Variants in KCNIP1 observed in about 807,000 individuals in gnomAD.
The protein encoded by KCNIP1 is A-type potassium channel modulatory protein KCNIP1.
A neutral mutation model predicts 33.0 loss-of-function variants in KCNIP1; 18 were observed. The ratio of observed to expected loss-of-function variants is 0.55; its 90% CI spans 0.38 to 0.81. The LOEUF (loss-of-function observed/expected upper bound fraction) is 0.81. Ranked by LOEUF, KCNIP1 falls within the 30% of genes least tolerant of loss-of-function variation. KCNIP1 has a pLI of 0.00. For missense variants in KCNIP1, 238 were observed against 271.6 expected, an observed-to-expected ratio of 0.88 and a Z score of 0.87; for synonymous variants, 93 against 98.3, an observed-to-expected ratio of 0.95 and a Z score of 0.32.
chr5:170,596,401 C>G (rs1319248676), intron 1 of KCNIP1, among the ~76,000 whole-genome samples: 1 of 152,166 alleles, frequency 6.6e-6, no homozygotes, highest in Non-Finnish European at 1.5e-5. Context: ...CCTTAGAGAC[C>G]CACGCCAGAC....
intron 1 of KCNIP1, among the ~76,000 whole-genome samples, chr5:170,387,444 C>T (rs892443421): frequency 6.6e-6 from 1 of 152,220 alleles, no homozygotes; most frequent in East Asian, 1.9e-4. Flanking sequence ...CCGGGCATCT[C>T]CGCTAAAGGG....
At position 170,565,285 on chromosome 5, in the gene KCNIP1, C is replaced by T. The variant is rs140036557; in HGVS notation, c.61+60652C>T. Among the ~76,000 whole-genome samples the T allele has an allele frequency of 8.5e-5, 13 of 152,274 alleles. No individual in the cohort carries two copies. The East Asian group carries it at 2.5e-3, about 29-fold the overall frequency. ...GCCCTTGTCTGAGAGTAGCCATGGG[C>T]CAGCAGCATGCCAGTCTCACCTCTC... On this transcript the variant is annotated intron_variant, in intron 1 of 7. Coordinates refer to ENST00000328939, the MANE Select transcript of KCNIP1 (RefSeq NM_014592.4).
chr5:170,704,397 C>G lies in KCNIP1; in HGVS notation c.62-14361C>G, dbSNP rs1231631712. On this transcript the variant is annotated intron_variant, in intron 1 of 7. Coordinates refer to ENST00000328939, the MANE Select transcript of KCNIP1 (RefSeq NM_014592.4). ...CTCAGAAGTGTCACCTTTTCTCTTT[C>G]TTCTCTGAGCCTCCGTCTTCTCTTC... Among the ~76,000 whole-genome samples, 5 of 136,798 alleles carry G rather than the reference C, an allele frequency of 3.7e-5. 1 individual carries two copies. The highest frequency in any genetic ancestry group is 6.2e-5 in the Non-Finnish European group (4 of 64,742). The allele number at this position is 136,798 out of a possible 152,430, so 89.7% of individuals were successfully genotyped here.
chr5:170,578,329 G>A (rs1757674322), intron 1 of KCNIP1, among the ~76,000 whole-genome samples: 2 of 152,208 alleles, frequency 1.3e-5, no homozygotes, highest in African/African-American at 2.4e-5. Context: ...CTGAGAAAGT[G>A]CCTGATAGAA....
At chr5:170,436,020 AC>A (rs1490140722) in intron 1 of KCNIP1, among the ~76,000 whole-genome samples, 1 of 151,994 alleles carries the variant, frequency 6.6e-6, no homozygotes, top group East Asian at 1.9e-4. Context: ...ATTGACCAAG[AC>A]CCTGGCCTCG....
chr5:170,526,027 T>C (rs1166939801), intron 1 of KCNIP1, among the ~76,000 whole-genome samples: 2 of 152,188 alleles, frequency 1.3e-5, no homozygotes, highest in East Asian at 1.9e-4. Context: ...ATATTCACCA[T>C]GTGCCAGCTC....
intron 1 of KCNIP1, among the ~76,000 whole-genome samples, chr5:170,361,745 C>T (rs1278635582): frequency 6.6e-6 from 1 of 152,216 alleles, no homozygotes; most frequent in Non-Finnish European, 1.5e-5. Flanking sequence ...GACAGCATCT[C>T]CTGCTGTATT....
intron 1 of KCNIP1, among the ~76,000 whole-genome samples, chr5:170,524,589 A>G (rs1259763782): frequency 6.6e-6 from 1 of 152,080 alleles, no homozygotes; most frequent in Non-Finnish European, 1.5e-5. Flanking sequence ...TCAGAGCATG[A>G]CCAGTGCACA....
At chr5:170,569,192 T>A (rs1280039621) in intron 1 of KCNIP1, among the ~76,000 whole-genome samples, 1 of 152,202 alleles carries the variant, frequency 6.6e-6, no homozygotes, top group Non-Finnish European at 1.5e-5. Context: ...CTGGAATATT[T>A]TGCTACCTTC....
Position 170,626,673 on chromosome 5 carries a change from G to A in KCNIP1, c.62-92085G>A, listed in dbSNP as rs1020592521. ...ACCTGGCCCCCAGGTCTCATTGCCC[G>A]AGTGCTGCCCCAGAAGGAGTAGAAG... is the stretch of plus-strand genomic sequence containing the variant. On this transcript the variant is annotated intron_variant, in intron 1 of 7. Transcript: ENST00000328939. Among the ~76,000 whole-genome samples, 8 of 152,328 alleles carry A rather than the reference G, an allele frequency of 5.3e-5. No homozygotes were observed. In the South Asian group the frequency reaches 1.0e-3, roughly 20 times the overall value.
chr5:170,454,829 T>A (rs552897779), intron 1 of KCNIP1, among the ~76,000 whole-genome samples: 32 of 152,336 alleles, frequency 2.1e-4, no homozygotes, highest in African/African-American at 7.5e-4. Flanking sequence ...TCATTTGATG[T>A]TTCTATTACT....
chr5:170,458,864 A>G (rs1447080105), intron 1 of KCNIP1, among the ~76,000 whole-genome samples: 1 of 152,208 alleles, frequency 6.6e-6, no homozygotes, highest in Admixed American at 6.5e-5. Context: ...ACACCTCAAT[A>G]CTAACATTGA....
intron 1 of KCNIP1, among the ~76,000 whole-genome samples, chr5:170,715,731 A>T (rs1484766659): frequency 6.6e-6 from 1 of 152,230 alleles, no homozygotes; most frequent in African/African-American, 2.4e-5. Context: ...TATTCTTGTT[A>T]TGTCATTATT....
chr5:170,384,771 A>G (rs1000680260), intron 1 of KCNIP1, among the ~76,000 whole-genome samples: 2 of 152,240 alleles, frequency 1.3e-5, no homozygotes, highest in African/African-American at 4.8e-5. Flanking sequence ...GAGCAAGGGC[A>G]TGGACCATTC....
At chr5:170,368,284 GAGAC>G (rs1334196750) in intron 1 of KCNIP1, among the ~76,000 whole-genome samples, 1 of 150,422 alleles carries the variant, frequency 6.6e-6, no homozygotes, top group African/African-American at 2.5e-5. Context: ...TTGTTTTATT[GAGAC>G]AGAGTCTCAC....
upstream of KCNIP1, chr5:170,503,940 C>CA (rs1754586496): frequency 8.9e-6 from 5 of 561,948 alleles, no homozygotes; most frequent in South Asian, 1.5e-4. Context: ...CCCCCGCCCC[C>CA]ACCGTGCAGC....
intron 1 of KCNIP1, among the ~76,000 whole-genome samples, chr5:170,517,692 ATGATGG>A (rs949684238): frequency 2.0e-5 from 3 of 151,098 alleles, no homozygotes; most frequent in African/African-American, 7.3e-5. Flanking sequence ...GACGGTGGTG[ATGATGG>A]TGATGGTGAT....
chr5:170,723,385 G>A (rs948301948), intron 5 of KCNIP1, among the ~76,000 whole-genome samples: 1 of 152,030 alleles, frequency 6.6e-6, no homozygotes, highest in African/African-American at 2.4e-5. Flanking sequence ...CATGTCTCTA[G>A]CCAGTGAAAT....
At chr5:170,715,913 C>T (rs1541665) in intron 1 of KCNIP1, among the ~76,000 whole-genome samples, 33,745 of 152,140 alleles carry the variant, frequency 0.22, 5,125 homozygotes, top group East Asian at 0.81. Context: ...CACGGGTTCA[C>T]GCTCTTCTCT....
Sources: allele counts gnomAD v4.1 joint callset (sites outside exome capture counted in the v4.1 genomes callset), GRCh38; gene constraint gnomAD v4.1.1; transcripts MANE v1.5; gene names NCBI Gene and HGNC (gene_info 2026-07-23, HGNC 2026-07-21).